Variants in C14orf132 observed in about 807,000 individuals in gnomAD.
C14orf132 encodes chromosome 14 open reading frame 132, also known as uncharacterized protein C14orf132.
Under a neutral mutation model 5.8 loss-of-function variants are expected in C14orf132, and 6 were observed. That is an observed-to-expected ratio of 1.03 (90% CI 0.57 to 2.04). The LOEUF (loss-of-function observed/expected upper bound fraction) is 2.04. C14orf132 is among the 30% of genes most tolerant of loss of function. The probability of loss-of-function intolerance (pLI) is 0.00; values close to 1 mark genes in which losing one functional copy is unlikely to be tolerated. For synonymous variants in C14orf132, 51 were observed against 49.8 expected, an observed-to-expected ratio of 1.02 and a Z score of -0.10; for missense variants, 125 against 115.8, an observed-to-expected ratio of 1.08 and a Z score of -0.37.
intron 1 of C14orf132, among the ~76,000 whole-genome samples, chr14:96,074,947 A>G (rs1268395471): frequency 5.9e-5 from 9 of 152,016 alleles, no homozygotes; most frequent in African/African-American, 2.2e-4. Context: ...GTTGGCATTG[A>G]CAAACATTCC....
chr14:96,079,532 A>C (rs1051723806), intron 1 of C14orf132, among the ~76,000 whole-genome samples: 7 of 152,128 alleles, frequency 4.6e-5, no homozygotes, highest in African/African-American at 7.2e-5. Flanking sequence ...CGAAGTCATG[A>C]GTAACCCTTG....
intron 1 of C14orf132, among the ~76,000 whole-genome samples, chr14:96,071,815 G>T (rs566698718): frequency 6.6e-6 from 1 of 152,330 alleles, no homozygotes; most frequent in African/African-American, 2.4e-5. Context: ...GGCACACAGG[G>T]TGCCCTGCCA....
At chr14:96,065,994 G>A (rs1477219119) in intron 1 of C14orf132, among the ~76,000 whole-genome samples, 2 of 152,108 alleles carry the variant, frequency 1.3e-5, no homozygotes, top group Non-Finnish European at 2.9e-5. Flanking sequence ...CAGTGAAAGT[G>A]GCCTGAACTT....
chr14:96,078,637 T>C (rs774842274), intron 1 of C14orf132, among the ~76,000 whole-genome samples: 2 of 152,176 alleles, frequency 1.3e-5, no homozygotes, highest in Non-Finnish European at 2.9e-5. Flanking sequence ...AGTTCTCATG[T>C]TGAGACAGGG....
At chr14:96,067,798 A>AGCTTAGGT (rs1887577531) in intron 1 of C14orf132, among the ~76,000 whole-genome samples, 1 of 151,978 alleles carries the variant, frequency 6.6e-6, no homozygotes, top group Non-Finnish European at 1.5e-5. Context: ...ACCTTCCACC[A>AGCTTAGGT]GCTTAGGTGC....
rs1320798818 is a variant in C14orf132, at chr14:96,092,952, A to C, written c.*6217A>C. 1 of 152,270 alleles carries C rather than the reference A, an allele frequency of 6.6e-6. No individual in the cohort carries two copies. The highest frequency in any genetic ancestry group is 1.5e-5 in the Non-Finnish European group (1 of 68,074). The allele number at this position is 152,270 out of a possible 1,614,324, so 9.4% of individuals were successfully genotyped here. On this transcript the variant is annotated 3_prime_UTR_variant, in exon 2 of 2. Coordinates refer to ENST00000555004, the MANE Select transcript of C14orf132 (RefSeq NM_001252507.3). ...TGCACAGGGCAGCCCCCCACAAATA[A>C]GAATTATCCAGCCCCAAAATGCCAA...
At chr14:96,047,860 G>C (rs1012243915) in intron 1 of C14orf132, among the ~76,000 whole-genome samples, 5 of 152,126 alleles carry the variant, frequency 3.3e-5, no homozygotes, top group African/African-American at 9.7e-5. Context: ...CTGTGCATTT[G>C]CCACAACTGA....
At chr14:96,078,448 G>A (rs908514772) in intron 1 of C14orf132, among the ~76,000 whole-genome samples, 1 of 152,212 alleles carries the variant, frequency 6.6e-6, no homozygotes, top group African/African-American at 2.4e-5. Flanking sequence ...GTAAGCTCAT[G>A]ATGCCTGTCT....
At chr14:96,079,970 G>GATATGTGGGATATACTTATGCTA (rs1187209272) in intron 1 of C14orf132, among the ~76,000 whole-genome samples, 1 of 152,220 alleles carries the variant, frequency 6.6e-6, no homozygotes, top group Admixed American at 6.5e-5. Context: ...TAGGCTGTGT[G>GATATGTGGGATATACTTATGCTA]ATATGTGGGA....
intron 1 of C14orf132, among the ~76,000 whole-genome samples, chr14:96,066,947 T>G (rs1226364403): frequency 1.3e-5 from 2 of 152,084 alleles, no homozygotes; most frequent in African/African-American, 4.8e-5. Flanking sequence ...AGATCTAGAG[T>G]TTGATTTCTG....
intron 1 of C14orf132, among the ~76,000 whole-genome samples, chr14:96,064,991 T>G (rs1363469323): frequency 6.6e-6 from 1 of 152,196 alleles, no homozygotes; most frequent in Non-Finnish European, 1.5e-5. Flanking sequence ...CCTTAGCTTC[T>G]CTGGCCCTGT....
intron 1 of C14orf132, among the ~76,000 whole-genome samples, chr14:96,077,031 T>A (rs1887889456): frequency 6.6e-6 from 1 of 152,220 alleles, no homozygotes; most frequent in African/African-American, 2.4e-5. Flanking sequence ...TTTTGATTCC[T>A]TTAAGCTTGT....
At chr14:96,049,885 C>G (rs1212093464) in intron 1 of C14orf132, among the ~76,000 whole-genome samples, 1 of 150,992 alleles carries the variant, frequency 6.6e-6, no homozygotes, top group Non-Finnish European at 1.5e-5. Context: ...ATAGCCCCAC[C>G]CAATGTACTT....
In C14orf132 at chr14:96,081,424, C is replaced by T. The variant is rs544333859; in HGVS notation, c.28-5087C>T. 8.1e-4 allele frequency among the ~76,000 whole-genome samples: 123 copies of T among 152,314 alleles called. 1 individual carries two copies. The highest frequency in any genetic ancestry group is 2.6e-3 in the Admixed American group (40 of 15,308). On this transcript the variant is annotated intron_variant, in intron 1 of 1. Transcript: ENST00000555004. ...CAATGTTGGCCCTGGGGCTAAATCT[C>T]ATCACGCCCTCAGGATTCTTGACTG... is the stretch of plus-strand genomic sequence containing the variant.
chr14:96,040,044 A>C (rs1190835724), intron 1 of C14orf132, among the ~76,000 whole-genome samples: 2 of 146,662 alleles, frequency 1.4e-5, no homozygotes, highest in African/African-American at 2.5e-5. Flanking sequence ...GTGACCCGCC[A>C]AGCGTCGACG....
chr14:96,060,095 C>T (rs1887303448), intron 1 of C14orf132, among the ~76,000 whole-genome samples: 1 of 152,192 alleles, frequency 6.6e-6, no homozygotes, highest in Non-Finnish European at 1.5e-5. Context: ...CTGGATCCCA[C>T]ATGCTAAGAC....
In C14orf132 at chr14:96,043,301, C is replaced by T. The variant is rs75702837; in HGVS notation, c.27+3774C>T. Reference sequence around the variant, plus strand: ...CAAGAAGTGCAGTGACACAGAGGCACATGCTGGGGGAAGGGAGCGAACATT... The same window carrying T: ...CAAGAAGTGCAGTGACACAGAGGCATATGCTGGGGGAAGGGAGCGAACATT... On this transcript the variant is annotated intron_variant, in intron 1 of 1. Coordinates refer to ENST00000555004, the MANE Select transcript of C14orf132 (RefSeq NM_001252507.3). 6.4e-4 allele frequency among the ~76,000 whole-genome samples: 97 copies of T among 152,264 alleles called. No homozygotes were observed. In the East Asian group the frequency reaches 0.017, roughly 27 times the overall value.
intron 1 of C14orf132, among the ~76,000 whole-genome samples, chr14:96,075,670 CA>C (rs1292420600): frequency 2.0e-5 from 3 of 152,182 alleles, no homozygotes; most frequent in Admixed American, 6.5e-5. Context: ...GCTTTTTCTG[CA>C]TCTACTGATA....
chr14:96,066,274 C>A (rs1484089292), intron 1 of C14orf132, among the ~76,000 whole-genome samples: 1 of 152,200 alleles, frequency 6.6e-6, no homozygotes, highest in Non-Finnish European at 1.5e-5. Context: ...ACCATCTGAG[C>A]CTTTCTGTCC....
Sources: allele counts gnomAD v4.1 joint callset (sites outside exome capture counted in the v4.1 genomes callset), GRCh38; gene constraint gnomAD v4.1.1; transcripts MANE v1.5; gene names NCBI Gene and HGNC (gene_info 2026-07-23, HGNC 2026-07-21).